Variants in IL1RAPL1 observed in about 807,000 individuals in gnomAD.
The protein encoded by IL1RAPL1 is interleukin-1 receptor accessory protein-like 1.
A neutral mutation model predicts 48.4 loss-of-function variants in IL1RAPL1; 3 were observed. The observed-to-expected ratio is 0.06, with a 90% confidence interval of 0.03 to 0.16. The LOEUF is 0.16. Ranked by LOEUF, IL1RAPL1 falls within the 10% of genes least tolerant of loss-of-function variation. The probability of loss-of-function intolerance (pLI) is 1.00; values close to 1 mark genes in which losing one functional copy is unlikely to be tolerated. For missense variants in IL1RAPL1, 349 were observed against 530.6 expected (o/e 0.66, Z 3.36); for synonymous variants, 185 against 187.7 (o/e 0.99, Z 0.12).
intron 2 of IL1RAPL1, among the ~76,000 whole-genome samples, chrX:28,966,864 C>T (rs970593640): frequency 1.8e-5 from 2 of 111,682 alleles, no homozygotes; most frequent in Non-Finnish European, 3.8e-5. Context: ...ATCATTTAGG[C>T]ACCACAAAGG....
rs781485440 is a variant in IL1RAPL1, at chrX:29,923,283, A to C, written c.1057+3189A>C. Among the ~76,000 whole-genome samples the C allele has an allele frequency of 1.2e-4, 14 of 112,670 alleles. No individual in the cohort carries two copies. In the South Asian group the frequency reaches 5.1e-3, roughly 41 times the overall value. Reference sequence around the variant, plus strand: ...ATCTACCAAGAAATTTGACCATAGAAAAATCTTGCTCGAGAATATCCAAAG... The same window carrying C: ...ATCTACCAAGAAATTTGACCATAGACAAATCTTGCTCGAGAATATCCAAAG... On this transcript the variant is annotated intron_variant, in intron 8 of 10. Coordinates refer to ENST00000378993, the MANE Select transcript of IL1RAPL1 (RefSeq NM_014271.4).
intron 2 of IL1RAPL1, among the ~76,000 whole-genome samples, chrX:28,802,770 T>C (rs1321188532): frequency 8.9e-6 from 1 of 111,984 alleles, no homozygotes; most frequent in African/African-American, 3.2e-5. Context: ...ATTCTTCCAA[T>C]TTTTTCTATA....
At chrX:29,113,198 C>G (rs1360988402) in intron 2 of IL1RAPL1, among the ~76,000 whole-genome samples, 2 of 112,002 alleles carry the variant, frequency 1.8e-5, no homozygotes, top group South Asian at 7.4e-4. Flanking sequence ...TCATTTAGCC[C>G]TATGTAAATG....
chrX:29,228,331 T>G (rs1260055720), intron 2 of IL1RAPL1, among the ~76,000 whole-genome samples: 6 of 31,168 alleles, frequency 1.9e-4, no homozygotes, highest in African/African-American at 2.8e-4. Context: ...TAGTTTTGCC[T>G]AGTGTGTGTG....
chrX:29,932,126 A>AT (rs1932957388), intron 8 of IL1RAPL1, among the ~76,000 whole-genome samples: 1 of 112,088 alleles, frequency 8.9e-6, no homozygotes, highest in Non-Finnish European at 1.9e-5. Context: ...ATCTTATGAG[A>AT]TCTGAGATAA....
intron 2 of IL1RAPL1, among the ~76,000 whole-genome samples, chrX:28,801,161 G>A (rs1231978369): frequency 1.8e-5 from 2 of 110,364 alleles, no homozygotes; most frequent in Non-Finnish European, 3.8e-5. Context: ...GATTACAGGC[G>A]TGAGCCACCA....
chrX:28,925,917 C>G (rs1923730561), intron 2 of IL1RAPL1, among the ~76,000 whole-genome samples: 1 of 111,545 alleles, frequency 9.0e-6, no homozygotes. Context: ...GAGACTCTGT[C>G]TCACACACAC....
chrX:29,955,821 C>T lies in IL1RAPL1; in HGVS notation c.*1C>T. ...CAGTATATCCAGTGTGATATGGTGACAGAAAAGCAAGGGACATCCCGTCCC... is the reference window on the plus strand; with the variant it reads ...CAGTATATCCAGTGTGATATGGTGATAGAAAAGCAAGGGACATCCCGTCCC... On this transcript the variant is annotated 3_prime_UTR_variant, in exon 11 of 11. Coordinates refer to ENST00000378993, the MANE Select transcript of IL1RAPL1 (RefSeq NM_014271.4). The T allele has an allele frequency of 8.3e-7, 1 of 1,198,605 alleles. No individual in the cohort carries two copies. The highest frequency in any genetic ancestry group is 1.1e-6 in the Non-Finnish European group (1 of 884,206).
chrX:29,150,182 C>T (rs1161544113), intron 2 of IL1RAPL1, among the ~76,000 whole-genome samples: 1 of 111,898 alleles, frequency 8.9e-6, no homozygotes, highest in East Asian at 2.8e-4. Flanking sequence ...TGCCAGGCTT[C>T]GTGCAAGGCA....
intron 3 of IL1RAPL1, among the ~76,000 whole-genome samples, chrX:29,322,106 T>A (rs1263958721): frequency 9.0e-6 from 1 of 111,259 alleles, no homozygotes; most frequent in Non-Finnish European, 1.9e-5. Flanking sequence ...ATGGAGTTGC[T>A]TTTTCTATGT....
intron 5 of IL1RAPL1, among the ~76,000 whole-genome samples, chrX:29,572,062 G>T (rs1922612364): frequency 8.9e-6 from 1 of 111,908 alleles, no homozygotes; most frequent in Admixed American, 9.5e-5. Flanking sequence ...ATATTACAAG[G>T]TTAAGACTTT....
chrX:29,378,379 G>A lies in IL1RAPL1; in HGVS notation c.363-17879G>A, dbSNP rs1421608659. Among the ~76,000 whole-genome samples, 15 of 110,887 alleles carry A rather than the reference G, an allele frequency of 1.4e-4. 1 individual carries two copies. The South Asian group carries it at 2.2e-3, about 16-fold the overall frequency. On this transcript the variant is annotated intron_variant, in intron 3 of 10. Coordinates refer to ENST00000378993, the MANE Select transcript of IL1RAPL1 (RefSeq NM_014271.4). ...GAATTTTATGTCTGTCATTTTAGTC[G>A]TGTCAGGCTGTTTAAGAAGCATTGC... is the stretch of plus-strand genomic sequence containing the variant.
chrX:29,588,278 G>C (rs1193405017), intron 5 of IL1RAPL1, among the ~76,000 whole-genome samples: 1 of 112,277 alleles, frequency 8.9e-6, no homozygotes, highest in Admixed American at 9.4e-5. Flanking sequence ...CAATGGATAA[G>C]GCTGTTGCCC....
At chrX:29,113,307 T>C (rs1202323966) in intron 2 of IL1RAPL1, among the ~76,000 whole-genome samples, 1 of 111,930 alleles carries the variant, frequency 8.9e-6, no homozygotes, top group Non-Finnish European at 1.9e-5. Context: ...TTTAGCTAGC[T>C]GTCTCAATTA....
intron 2 of IL1RAPL1, among the ~76,000 whole-genome samples, chrX:28,841,681 C>T (rs1322302377): frequency 9.1e-6 from 1 of 110,126 alleles, no homozygotes; most frequent in Non-Finnish European, 1.9e-5. Context: ...AGAATAAAAC[C>T]TGGTAAGTGG....
chrX:28,594,667 G>A (rs1933936603), intron 1 of IL1RAPL1, among the ~76,000 whole-genome samples: 1 of 111,873 alleles, frequency 8.9e-6, no homozygotes, highest in Admixed American at 9.5e-5. Flanking sequence ...ATATGTCCTG[G>A]CATACAGCAT....
intron 4 of IL1RAPL1, 149 bp downstream of exon 4, chrX:29,396,593 GTT>G: frequency 3.8e-6 from 2 of 522,339 alleles, no homozygotes; most frequent in Non-Finnish European, 3.3e-6. Flanking sequence ...GTCATTATAT[GTT>G]TTTTAACCAA....
At chrX:28,683,122 A>C (rs747645514) in intron 1 of IL1RAPL1, among the ~76,000 whole-genome samples, 1 of 111,864 alleles carries the variant, frequency 8.9e-6, no homozygotes, top group Non-Finnish European at 1.9e-5. Flanking sequence ...TCTTGAGTTC[A>C]TATTGGATTC....
At chrX:29,087,597 CAAT>C (rs1182990129) in intron 2 of IL1RAPL1, among the ~76,000 whole-genome samples, 1 of 111,935 alleles carries the variant, frequency 8.9e-6, no homozygotes, top group Admixed American at 9.5e-5. Context: ...CACTGAACAA[CAAT>C]AATTAAGCAA....
Sources: gnomAD v4.1 joint callset for allele counts (sites outside exome capture counted in the v4.1 genomes callset) on GRCh38, gnomAD v4.1.1 for gene constraint, MANE v1.5 for transcripts, NCBI Gene and HGNC (gene_info 2026-07-23, HGNC 2026-07-21) for gene names.